The following MYH7B variants were observed in gnomAD, a reference collection of about 807,000 sequenced individuals.
MYH7B encodes myosin heavy chain 7B.
A neutral mutation model predicts 234.5 loss-of-function variants in MYH7B; 205 were observed. The observed-to-expected ratio is 0.87, with a 90% CI of 0.78 to 0.98. The LOEUF (loss-of-function observed/expected upper bound fraction) is 0.98, where lower values mean the gene tolerates loss of function less well. Ranked by LOEUF, MYH7B falls within the 50% of genes least tolerant of loss-of-function variation. The pLI, the probability that MYH7B is intolerant of heterozygous loss-of-function variation, is 0.00. For missense variants in MYH7B, 2,652 were observed against 2,633.4 expected, an observed-to-expected ratio of 1.01 and a Z score of -0.15; for synonymous variants, 1,193 against 1,105.0, an observed-to-expected ratio of 1.08 and a Z score of -1.58.
At chr20:34,995,306 C>G (rs780061055) in intron 27 of MYH7B, 30 bp from the exon 28 acceptor site, 2 of 1,600,352 alleles carry the variant, frequency 1.2e-6, no homozygotes, top group East Asian at 2.2e-5. Flanking sequence ...GGCCCTCCCC[C>G]AACCTGGCCC....
chr20:34,999,724 A>G (rs765982164), intron 37 of MYH7B, 29 bp downstream of exon 37: 1 of 1,608,408 alleles, frequency 6.2e-7, no homozygotes, highest in Non-Finnish European at 8.5e-7. Context: ...GGGTGGGTGG[A>G]CACTGACCTG....
chr20:34,969,797 G>A (rs1447653392), intron 2 of MYH7B, among the ~76,000 whole-genome samples: 4 of 151,706 alleles, frequency 2.6e-5, no homozygotes, highest in African/African-American at 7.3e-5. Flanking sequence ...TGCCTGCCTC[G>A]GCCTCCCAAA....
At chr20:34,986,977 C>A (rs771255920) in exon 15 of MYH7B, 2 of 1,613,892 alleles carry the variant, frequency 1.2e-6, no homozygotes, top group Non-Finnish European at 1.7e-6. Flanking sequence ...GGGAGGAGCT[C>A]ATCGCCACCG....
At position 34,997,239 on chromosome 20, in the gene MYH7B, T is replaced by TTG; in HGVS notation, c.3358-12_3358-11insTG. ...CCACAGAGGTGACAGCTGCCCCACG[T>TTG]GCCCACCCCAGGCTCGGGCGGAGGA... On this transcript the variant is annotated splice_polypyrimidine_tract_variant and intron_variant, in intron 31 of 44. Coordinates refer to ENST00000262873, the Ensembl canonical transcript of MYH7B. 1 of 1,557,160 alleles carries TTG rather than the reference T, an allele frequency of 6.4e-7. No individual in the cohort carries two copies. Among genetic ancestry groups the TTG allele is most frequent in the Non-Finnish European group, 8.7e-7 (1 of 1,151,590 alleles).
At chr20:34,963,906 G>C (rs2081720593) in intron 2 of MYH7B, among the ~76,000 whole-genome samples, 1 of 152,050 alleles carries the variant, frequency 6.6e-6, no homozygotes, top group African/African-American at 2.4e-5. Context: ...TATATCAGGA[G>C]ATTTATCCAT....
intron 2 of MYH7B, among the ~76,000 whole-genome samples, chr20:34,963,798 T>C (rs761179356): frequency 7.2e-5 from 11 of 152,288 alleles, no homozygotes; most frequent in Non-Finnish European, 1.6e-4. Flanking sequence ...TCCTATTAGG[T>C]GTATTTCTAA....
At chr20:34,962,153 GT>G (rs1317402499) in intron 2 of MYH7B, among the ~76,000 whole-genome samples, 1 of 152,192 alleles carries the variant, frequency 6.6e-6, no homozygotes, top group Non-Finnish European at 1.5e-5. Context: ...CTTGAGCCCA[GT>G]AGGTCAAGGC....
At chr20:34,973,905 C>T (rs920360705) in intron 2 of MYH7B, among the ~76,000 whole-genome samples, 3 of 150,074 alleles carry the variant, frequency 2.0e-5, no homozygotes, top group Admixed American at 6.7e-5. Flanking sequence ...ATTACAGGCA[C>T]ACGCCACCAT....
At chr20:34,995,648 G>T (rs2082243097) in intron 28 of MYH7B, 70 bp downstream of exon 28, 2 of 1,588,278 alleles carry the variant, frequency 1.3e-6, no homozygotes, top group African/African-American at 1.3e-5. Flanking sequence ...GTGGCTGCAG[G>T]TCCCACCCCG....
rs374704268 is a variant in MYH7B, at chr20:34,999,449, C to T, written c.4540+44C>T. ...CAGGGCCAGGGTGCTGCCCTGGGGT[C>T]GGAGCAACTTTGAGTTATGGGGGTG... On this transcript the variant is annotated intron_variant, in intron 36 of 44. Coordinates refer to ENST00000262873, the Ensembl canonical transcript of MYH7B. The T allele has an allele frequency of 8.6e-5, 131 of 1,516,640 alleles. No individual in the cohort carries two copies. In the African/African-American group the frequency reaches 1.1e-3, roughly 13 times the overall value. 93.9% of individuals were successfully genotyped at this position (1,516,640 alleles called of 1,614,324 possible).
intron 43 of MYH7B, 59 bp from the exon 44 acceptor site, chr20:35,001,889 G>T: frequency 6.4e-7 from 1 of 1,571,352 alleles, no homozygotes. Flanking sequence ...ACTGGGGCAG[G>T]GACCAGAATA....
Position 34,993,346 on chromosome 20 carries a change from GCTGGGCTTCTAGGCGTC to G in MYH7B, c.2325_2341del (p.Leu776ArgfsTer4). 1 of 1,614,108 alleles carries G rather than the reference GCTGGGCTTCTAGGCGTC, an allele frequency of 6.2e-7. No individual in the cohort carries two copies. Reference sequence around the variant, plus strand: ...TCTCCGCCCCCAGGTGTTCTTCAAGGCTGGGCTTCTAGGCGTCCTGGAAGAGCTCCGTGACCAGCGCC... The same window carrying G: ...TCTCCGCCCCCAGGTGTTCTTCAAGGCTGGAAGAGCTCCGTGACCAGCGCC... On this transcript the variant is annotated frameshift_variant, in exon 26 of 45. Transcript: ENST00000262873. LOFTEE classifies it high-confidence loss of function.
exon 43 of MYH7B, chr20:35,001,493 G>A (rs751827489): frequency 3.7e-6 from 6 of 1,610,330 alleles, no homozygotes; most frequent in South Asian, 2.2e-5. Context: ...TGCAGAGCAA[G>A]GTCAAGAGCT....
intron 20 of MYH7B, 23 bp from the exon 21 acceptor site, chr20:34,989,991 C>T (rs2082111899): frequency 1.2e-6 from 2 of 1,613,732 alleles, no homozygotes; most frequent in African/African-American, 1.3e-5. Flanking sequence ...CACCCGGGCT[C>T]AGCACCTGAC....
At chr20:34,960,404 T>A (rs1189248817) in intron 2 of MYH7B, among the ~76,000 whole-genome samples, 1 of 152,052 alleles carries the variant, frequency 6.6e-6, no homozygotes, top group African/African-American at 2.4e-5. Flanking sequence ...CCCGCCTAAT[T>A]TTTTCTATTT....
intron 10 of MYH7B, among the ~76,000 whole-genome samples, chr20:34,982,796 C>T (rs932261220): frequency 2.6e-5 from 4 of 152,134 alleles, no homozygotes; most frequent in Non-Finnish European, 4.4e-5. Flanking sequence ...GGTGGGGCCA[C>T]GTTGCCGTTT....
At chr20:34,985,221 G>A in intron 13 of MYH7B, 92 bp downstream of exon 13, 1 of 1,245,314 alleles carries the variant, frequency 8.0e-7, no homozygotes, top group Non-Finnish European at 1.2e-6. Context: ...CTGGGCTCCT[G>A]CCTGCTCTGG....
chr20:34,989,833 G>A (rs755704868), exon 20 of MYH7B: 2 of 1,614,072 alleles, frequency 1.2e-6, no homozygotes, highest in Non-Finnish European at 1.7e-6. Flanking sequence ...CAACCACGCG[G>A]GGAAGTCACC....
At chr20:34,961,404 T>G (rs1247628659) in intron 2 of MYH7B, among the ~76,000 whole-genome samples, 3 of 152,144 alleles carry the variant, frequency 2.0e-5, no homozygotes, top group Admixed American at 2.0e-4. Context: ...ATAAAGACCT[T>G]TTTGTTTCCC....
Sources: allele counts gnomAD v4.1 joint callset (sites outside exome capture counted in the v4.1 genomes callset), GRCh38; gene constraint gnomAD v4.1.1; transcripts MANE v1.5; gene names NCBI Gene and HGNC (gene_info 2026-07-23, HGNC 2026-07-21).